The following MBD5 variants were observed in gnomAD, a reference collection of about 807,000 sequenced individuals.
MBD5 encodes the protein methyl-CpG binding domain protein 5.
A neutral mutation model predicts 117.3 loss-of-function variants in MBD5; 13 were observed. That is an observed-to-expected ratio of 0.11 (90% confidence interval 0.07 to 0.18). MBD5 has a LOEUF of 0.18. Among genes scored for constraint, MBD5 ranks in the 10% least tolerant of loss-of-function variants. The pLI is 1.00. For synonymous variants in MBD5, 727 were observed against 766.4 expected (o/e 0.95, Z 0.85); for missense variants, 1,879 against 2,093.8 (o/e 0.90, Z 2.00).
chr2:148,496,776 G>A (rs1461475220), intron 11 of MBD5, among the ~76,000 whole-genome samples: 1 of 152,078 alleles, frequency 6.6e-6, no homozygotes, highest in Non-Finnish European at 1.5e-5. Context: ...AGGAAGCACC[G>A]AAAAAGGCCT....
At chr2:148,106,162 T>C (rs1453535354) in intron 1 of MBD5, among the ~76,000 whole-genome samples, 2 of 152,050 alleles carry the variant, frequency 1.3e-5, no homozygotes, top group Non-Finnish European at 2.9e-5. Flanking sequence ...ATAATTGTTG[T>C]TCAGATCTTC....
chr2:148,476,407 A>G (rs1225008290), intron 8 of MBD5, among the ~76,000 whole-genome samples: 1 of 152,206 alleles, frequency 6.6e-6, no homozygotes, highest in Non-Finnish European at 1.5e-5. Context: ...ATTACATGTA[A>G]TAACTTCTGA....
chr2:148,107,442 C>T (rs1696400243), intron 1 of MBD5, among the ~76,000 whole-genome samples: 1 of 151,686 alleles, frequency 6.6e-6, no homozygotes. Context: ...AAAATTATTT[C>T]TCCCAGTATA....
At chr2:148,152,266 A>C (rs923243798) in intron 1 of MBD5, among the ~76,000 whole-genome samples, 1 of 152,052 alleles carries the variant, frequency 6.6e-6, no homozygotes, top group East Asian at 1.9e-4. Flanking sequence ...GAGATTCTTA[A>C]TCCTGAGTTC....
chr2:148,345,872 A>T (rs937541337), intron 4 of MBD5: 17 of 151,916 alleles, frequency 1.1e-4, no homozygotes, highest in Admixed American at 7.2e-4. Context: ...CAGGAGAAAG[A>T]TGTAGGCTGG....
At chr2:148,371,708 A>G (rs1703857393) in intron 4 of MBD5, among the ~76,000 whole-genome samples, 1 of 152,146 alleles carries the variant, frequency 6.6e-6, no homozygotes. Flanking sequence ...ATTTTCTTAT[A>G]CTTAACGTGA....
chr2:148,419,180 T>C (rs1238569041), intron 4 of MBD5, among the ~76,000 whole-genome samples: 3 of 152,100 alleles, frequency 2.0e-5, no homozygotes, highest in Non-Finnish European at 4.4e-5. Context: ...TAGCAACATG[T>C]AGAAGAATGA....
At chr2:148,501,990 G>A (rs552987305) in intron 11 of MBD5, among the ~76,000 whole-genome samples, 6 of 152,300 alleles carry the variant, frequency 3.9e-5, no homozygotes, top group Admixed American at 2.6e-4. Context: ...CTACTAGGAA[G>A]TGAAAAGTAG....
intron 1 of MBD5, among the ~76,000 whole-genome samples, chr2:148,175,035 C>T (rs1698350317): frequency 6.6e-6 from 1 of 152,088 alleles, no homozygotes; most frequent in African/African-American, 2.4e-5. Context: ...AGCCAAGTTA[C>T]AGAATCAAAC....
At chr2:148,153,396 G>A (rs1397244297) in intron 1 of MBD5, among the ~76,000 whole-genome samples, 5 of 149,574 alleles carry the variant, frequency 3.3e-5, no homozygotes, top group East Asian at 3.9e-4. Context: ...TTCAACTTTG[G>A]TGAATCTGAC....
chr2:148,317,294 G>A (rs1332255890), intron 3 of MBD5, among the ~76,000 whole-genome samples: 3 of 151,902 alleles, frequency 2.0e-5, no homozygotes, highest in African/African-American at 4.8e-5. Context: ...ACTTGAACCC[G>A]AGAGGCAGAG....
At chr2:148,208,318 C>G (rs1051389083) in intron 2 of MBD5, among the ~76,000 whole-genome samples, 3 of 152,090 alleles carry the variant, frequency 2.0e-5, no homozygotes, top group African/African-American at 7.2e-5. Context: ...GTGGCATGAT[C>G]TCAGCTCACT....
intron 4 of MBD5, among the ~76,000 whole-genome samples, chr2:148,428,188 T>C (rs544187514): frequency 6.6e-6 from 1 of 152,096 alleles, no homozygotes; most frequent in South Asian, 2.1e-4. Context: ...ACAAGCATTC[T>C]TATACACTAA....
chr2:148,505,071 G>T (rs1321785701), intron 12 of MBD5, among the ~76,000 whole-genome samples: 2 of 152,142 alleles, frequency 1.3e-5, no homozygotes, highest in Non-Finnish European at 2.9e-5. Flanking sequence ...GGTGGAGTTG[G>T]GGATGAGGAT....
intron 4 of MBD5, among the ~76,000 whole-genome samples, chr2:148,376,105 C>T (rs1437613944): frequency 1.3e-5 from 2 of 151,014 alleles, no homozygotes; most frequent in Non-Finnish European, 2.9e-5. Context: ...ATTGTCTTCC[C>T]TTGAGGGGTC....
intron 2 of MBD5, among the ~76,000 whole-genome samples, chr2:148,224,255 C>A (rs931173219): frequency 6.6e-6 from 1 of 152,154 alleles, no homozygotes; most frequent in Non-Finnish European, 1.5e-5. Context: ...TGCAGATTGT[C>A]CAATGTTGCT....
chr2:148,066,362 G>A (rs1695193101), intron 1 of MBD5, among the ~76,000 whole-genome samples: 3 of 151,776 alleles, frequency 2.0e-5, no homozygotes, highest in Non-Finnish European at 4.4e-5. Flanking sequence ...GTTTTACTAG[G>A]TAAATATTTT....
At chr2:148,284,640 G>T (rs1257612464) in intron 3 of MBD5, among the ~76,000 whole-genome samples, 1 of 152,118 alleles carries the variant, frequency 6.6e-6, no homozygotes, top group Non-Finnish European at 1.5e-5. Flanking sequence ...GATGGGTCTT[G>T]TCTGTACTGC....
chr2:148,243,290 T>C (rs1700258312), intron 3 of MBD5, among the ~76,000 whole-genome samples: 1 of 151,826 alleles, frequency 6.6e-6, no homozygotes, highest in Non-Finnish European at 1.5e-5. Flanking sequence ...GTTTATGTAT[T>C]TCTGTAATCA....
Sources: gnomAD v4.1 joint callset for allele counts (sites outside exome capture counted in the v4.1 genomes callset) on GRCh38, gnomAD v4.1.1 for gene constraint, MANE v1.5 for transcripts, NCBI Gene and HGNC (gene_info 2026-07-23, HGNC 2026-07-21) for gene names.